The following FSTL4 variants were observed in gnomAD, a reference collection of about 807,000 sequenced individuals.
FSTL4 encodes follistatin like 4.
FSTL4 carries 28 observed loss-of-function variants against 78.2 expected under a neutral mutation model. The observed-to-expected ratio is 0.36, with a 90% CI of 0.27 to 0.49. FSTL4 has a LOEUF of 0.49. Ranked by LOEUF, FSTL4 falls within the 20% of genes least tolerant of loss-of-function variation. The probability of loss-of-function intolerance (pLI) is 0.98; values close to 1 mark genes in which losing one functional copy is unlikely to be tolerated. For missense variants in FSTL4, 922 were observed against 1,084.9 expected (o/e 0.85, Z 2.11); for synonymous variants, 422 against 440.5 (o/e 0.96, Z 0.53).
chr5:133,489,090 C>T (rs571247261), intron 3 of FSTL4, among the ~76,000 whole-genome samples: 12 of 152,296 alleles, frequency 7.9e-5, no homozygotes, highest in Admixed American at 3.3e-4. Context: ...TATCCTGGCA[C>T]GGGGTGCCAC....
intron 4 of FSTL4, among the ~76,000 whole-genome samples, chr5:133,322,242 CCCACACCCA>C (rs1754080715): frequency 8.8e-6 from 1 of 114,170 alleles, no homozygotes; most frequent in African/African-American, 4.1e-5. Context: ...CACACACACC[CCCACACCCA>C]CCCACACCCA....
At position 133,420,666 on chromosome 5, in the gene FSTL4, G is replaced by T. The variant is rs1035326385; in HGVS notation, c.161-19680C>A. On this transcript the variant is annotated intron_variant, in intron 3 of 15. Transcript: ENST00000265342. Reference sequence around the variant, plus strand: ...AAGAGGACAACAGGGACCTGGTGTGGTCTGGAGCTGCTCAAACTGCAGAGA... The same window carrying T: ...AAGAGGACAACAGGGACCTGGTGTGTTCTGGAGCTGCTCAAACTGCAGAGA... Among the ~76,000 whole-genome samples, 16 of 152,306 alleles carry T rather than the reference G, an allele frequency of 1.1e-4. No homozygotes were observed. In the East Asian group the frequency reaches 3.1e-3, roughly 29 times the overall value.
intron 6 of FSTL4, among the ~76,000 whole-genome samples, chr5:133,251,869 G>T (rs1752254817): frequency 6.6e-6 from 1 of 152,208 alleles, no homozygotes; most frequent in South Asian, 2.1e-4. Flanking sequence ...TGGTGGCTGT[G>T]GGAGGCCTTG....
intron 6 of FSTL4, among the ~76,000 whole-genome samples, chr5:133,289,336 C>A: frequency 6.6e-6 from 1 of 152,204 alleles, no homozygotes; most frequent in East Asian, 1.9e-4. Context: ...TCTATCTGTC[C>A]AAATATATCC....
In FSTL4 at chr5:133,273,759, C is replaced by A. The variant is rs150093866; in HGVS notation, c.728-24183G>T. ...GTAGCTGAAGGGAAACCTACGTTTG[C>A]AGGCAGCGGAAGGAGTAACCCACTC... is the stretch of plus-strand genomic sequence containing the variant. On this transcript the variant is annotated intron_variant, in intron 6 of 15. Transcript: ENST00000265342. Among the ~76,000 whole-genome samples, 97 of 152,290 alleles carry A rather than the reference C, an allele frequency of 6.4e-4. 3 individuals are homozygous for A. In the East Asian group the frequency reaches 0.019, roughly 29 times the overall value.
At chr5:133,259,648 G>T (rs73279915) in intron 6 of FSTL4, among the ~76,000 whole-genome samples, 7,027 of 151,808 alleles carry the variant, frequency 0.046, 575 homozygotes, top group African/African-American at 0.16. Flanking sequence ...ATGCTAAAGG[G>T]TCACTCCGGC....
At chr5:133,544,759 T>G (rs1424572721) in intron 3 of FSTL4, among the ~76,000 whole-genome samples, 1 of 152,184 alleles carries the variant, frequency 6.6e-6, no homozygotes, top group Non-Finnish European at 1.5e-5. Context: ...AAAGCCTGAA[T>G]AGGGTTTCTC....
intron 8 of FSTL4, among the ~76,000 whole-genome samples, chr5:133,233,114 C>A (rs1036380426): frequency 2.0e-5 from 3 of 152,254 alleles, no homozygotes; most frequent in Admixed American, 1.3e-4. Flanking sequence ...GCCTAAGGGG[C>A]ATGCTCCATG....
At chr5:133,574,581 C>G (rs1398694899) in intron 2 of FSTL4, among the ~76,000 whole-genome samples, 5 of 152,202 alleles carry the variant, frequency 3.3e-5, no homozygotes, top group Admixed American at 6.5e-5. Flanking sequence ...CCTGACCCAA[C>G]AATTTAACTC....
intron 4 of FSTL4, among the ~76,000 whole-genome samples, chr5:133,395,308 C>T (rs532255970): frequency 1.8e-4 from 28 of 152,248 alleles, no homozygotes; most frequent in African/African-American, 3.1e-4. Flanking sequence ...ACGAACCCAG[C>T]GGGAGGAATG....
At chr5:133,309,046 CT>C (rs1753716848) in intron 6 of FSTL4, among the ~76,000 whole-genome samples, 2 of 152,326 alleles carry the variant, frequency 1.3e-5, no homozygotes, top group African/African-American at 2.4e-5. Context: ...GTGTTTTCCC[CT>C]GATCCCAACC....
chr5:133,466,512 G>A (rs73283613), intron 3 of FSTL4, among the ~76,000 whole-genome samples: 15,844 of 151,678 alleles, frequency 0.1, 1,387 homozygotes, highest in African/African-American at 0.24. Context: ...ACTGCAGTCC[G>A]GCCTGGGCGA....
At chr5:133,297,496 CTG>C (rs1419361426) in intron 6 of FSTL4, among the ~76,000 whole-genome samples, 1 of 152,218 alleles carries the variant, frequency 6.6e-6, no homozygotes, top group Non-Finnish European at 1.5e-5. Flanking sequence ...CTTAATCTCT[CTG>C]TGTCTCCGGC....
chr5:133,613,183 C>T (rs1264017931), upstream of FSTL4, among the ~76,000 whole-genome samples: 1 of 152,228 alleles, frequency 6.6e-6, no homozygotes, highest in Non-Finnish European at 1.5e-5. Context: ...CCAAACTTTT[C>T]TGAATCCCTC....
chr5:133,664,494 G>C, the FSTL4 span, among the ~76,000 whole-genome samples: 1 of 152,274 alleles, frequency 6.6e-6, no homozygotes, highest in African/African-American at 2.4e-5. Flanking sequence ...CAGAAGCAAA[G>C]CTCTGTAAAC....
At chr5:133,222,512 C>T (rs1751173109) in intron 11 of FSTL4, among the ~76,000 whole-genome samples, 2 of 152,220 alleles carry the variant, frequency 1.3e-5, no homozygotes, top group Admixed American at 1.3e-4. Context: ...AAGCCACAAA[C>T]TCCAGGAACA....
At chr5:133,538,165 T>C (rs2112915733) in intron 3 of FSTL4, among the ~76,000 whole-genome samples, 1 of 152,098 alleles carries the variant, frequency 6.6e-6, no homozygotes, top group East Asian at 1.9e-4. Context: ...ACAGATTGCA[T>C]TTAGTTGTTA....
intron 3 of FSTL4, among the ~76,000 whole-genome samples, chr5:133,460,862 T>C (rs1431343676): frequency 6.6e-6 from 1 of 152,244 alleles, no homozygotes; most frequent in African/African-American, 2.4e-5. Context: ...TCATCCTCTT[T>C]CAGTTAAATC....
intron 3 of FSTL4, among the ~76,000 whole-genome samples, chr5:133,404,852 T>C (rs1756319900): frequency 6.6e-6 from 1 of 152,148 alleles, no homozygotes; most frequent in African/African-American, 2.4e-5. Context: ...CACAGACAGT[T>C]GGGTAATTTT....
Sources: gnomAD v4.1 joint callset for allele counts (sites outside exome capture counted in the v4.1 genomes callset) on GRCh38, gnomAD v4.1.1 for gene constraint, MANE v1.5 for transcripts, NCBI Gene and HGNC (gene_info 2026-07-23, HGNC 2026-07-21) for gene names.